The following CREB5 variants were observed in gnomAD, a reference collection of about 807,000 sequenced individuals.
The protein encoded by CREB5 is cAMP responsive element binding protein 5.
A neutral mutation model predicts 57.1 loss-of-function variants in CREB5; 19 were observed. The observed-to-expected ratio is 0.33, with a 90% CI of 0.23 to 0.49. The LOEUF is 0.49. Ranked by LOEUF, CREB5 falls within the 20% of genes least tolerant of loss-of-function variation. The pLI is 0.99. For synonymous variants in CREB5, 238 were observed against 238.3 expected (o/e 1.00, Z 0.01); for missense variants, 579 against 671.6 (o/e 0.86, Z 1.52).
chr7:28,584,156 T>A (rs1204503432), intron 5 of CREB5, among the ~76,000 whole-genome samples: 1 of 152,174 alleles, frequency 6.6e-6, no homozygotes, highest in Non-Finnish European at 1.5e-5. Flanking sequence ...TCCTTCTCAG[T>A]GCCCAGCCCC....
rs1795646734 is a variant in CREB5, at chr7:28,570,366, A to G, written c.293A>G (p.Asn98Ser). The G allele has an allele frequency of 6.2e-7, 1 of 1,612,368 alleles. No individual in the cohort carries two copies. Among genetic ancestry groups the G allele is most frequent in the African/African-American group, 1.3e-5 (1 of 74,906 alleles). Residue 98 changes from asparagine (N) to serine (S), a missense_variant and splice_region_variant, in exon 5 of 11, where the codon AAT becomes AGT. By Grantham distance (46) the Asn-to-Ser change is conservative. Coordinates refer to ENST00000357727, the MANE Select transcript of CREB5 (RefSeq NM_182898.4). ...KAQEEESSKRNISMHNAVGGA... is the reference protein window; with the variant it reads ...KAQEEESSKRSISMHNAVGGA... Reference sequence around the variant, plus strand: ...TTCCCCTGTGTCTTCTCTGGGCAGAATATCTCGATGCATAATGCAGTTGGT... The same window carrying G: ...TTCCCCTGTGTCTTCTCTGGGCAGAGTATCTCGATGCATAATGCAGTTGGT...
chr7:28,563,544 G>A lies in CREB5; in HGVS notation c.292-6821G>A, dbSNP rs115727410. ...CAAAATGAATGAATGAATTAACTGC[G>A]AGACAGGGTCTCACTCTGTCACCCA... On this transcript the variant is annotated intron_variant, in intron 4 of 10. Transcript: ENST00000357727. Among the ~76,000 whole-genome samples, 642 of 152,224 alleles carry A rather than the reference G, an allele frequency of 4.2e-3. 8 individuals carry two copies. Among genetic ancestry groups the A allele is most frequent in the African/African-American group, 0.015 (627 of 41,524 alleles).
At chr7:28,586,617 C>G (rs1365609024) in intron 5 of CREB5, among the ~76,000 whole-genome samples, 2 of 152,178 alleles carry the variant, frequency 1.3e-5, no homozygotes, top group African/African-American at 4.8e-5. Flanking sequence ...TAATCACATT[C>G]ACCAGCAAGC....
At chr7:28,372,279 G>A (rs187352438) in intron 1 of CREB5, among the ~76,000 whole-genome samples, 8 of 152,296 alleles carry the variant, frequency 5.3e-5, no homozygotes, top group Non-Finnish European at 1.0e-4. Flanking sequence ...GAGAACCAGG[G>A]ACTGGGAGTG....
chr7:28,356,759 C>T (rs1433797248), intron 1 of CREB5, among the ~76,000 whole-genome samples: 1 of 152,188 alleles, frequency 6.6e-6, no homozygotes, highest in Non-Finnish European at 1.5e-5. Flanking sequence ...GTTTCGGCCA[C>T]AGGATGAGAA....
chr7:28,698,936 C>G (rs1801708372), intron 5 of CREB5, among the ~76,000 whole-genome samples: 1 of 152,174 alleles, frequency 6.6e-6, no homozygotes, highest in Non-Finnish European at 1.5e-5. Context: ...TTTTTACTAG[C>G]TATGCCTTTT....
chr7:28,522,603 G>A (rs542158730), intron 4 of CREB5, among the ~76,000 whole-genome samples: 15 of 152,000 alleles, frequency 9.9e-5, no homozygotes, highest in South Asian at 2.1e-4. Flanking sequence ...TCACCATGTC[G>A]GCCAGGCTGG....
chr7:28,578,849 C>A (rs1441469811), intron 5 of CREB5, among the ~76,000 whole-genome samples: 20 of 152,142 alleles, frequency 1.3e-4, no homozygotes, highest in Non-Finnish European at 1.5e-5. Context: ...TATATCCTTT[C>A]TAATGAAGAT....
At chr7:28,398,793 C>A (rs1363995289) in intron 1 of CREB5, among the ~76,000 whole-genome samples, 2 of 152,028 alleles carry the variant, frequency 1.3e-5, no homozygotes, top group Non-Finnish European at 2.9e-5. Flanking sequence ...CTCACTACAG[C>A]CTTGGCCTCT....
At chr7:28,753,871 G>A (rs1419148247) in intron 7 of CREB5, among the ~76,000 whole-genome samples, 1 of 151,956 alleles carries the variant, frequency 6.6e-6, no homozygotes, top group Non-Finnish European at 1.5e-5. Flanking sequence ...GGACTATGAT[G>A]CAAGAAAGAA....
intron 8 of CREB5, among the ~76,000 whole-genome samples, chr7:28,808,208 C>G (rs1408340888): frequency 6.6e-6 from 1 of 152,218 alleles, no homozygotes; most frequent in Non-Finnish European, 1.5e-5. Context: ...GATCTCCTTT[C>G]ACCCTGGTGA....
intron 1 of CREB5, among the ~76,000 whole-genome samples, chr7:28,466,033 C>A (rs566142292): frequency 6.6e-6 from 1 of 152,032 alleles, no homozygotes; most frequent in Non-Finnish European, 1.5e-5. Context: ...AACTGAGAAG[C>A]CAGACTCAGG....
intron 1 of CREB5, among the ~76,000 whole-genome samples, chr7:28,395,972 G>A (rs1179079645): frequency 1.3e-5 from 2 of 152,160 alleles, no homozygotes; most frequent in Admixed American, 1.3e-4. Context: ...AGTCAGAAGT[G>A]TGATGCAGAC....
intron 2 of CREB5, chr7:28,491,329 G>A: frequency 1.2e-6 from 1 of 828,194 alleles, no homozygotes; most frequent in Non-Finnish European, 1.5e-6. Flanking sequence ...CTGGGGAGGA[G>A]TGGGGGTGCC....
chr7:28,626,539 C>T (rs1798002325), intron 5 of CREB5, among the ~76,000 whole-genome samples: 1 of 152,176 alleles, frequency 6.6e-6, no homozygotes, highest in African/African-American at 2.4e-5. Flanking sequence ...TTCTGGGATT[C>T]AAACCCAGGA....
intron 5 of CREB5, among the ~76,000 whole-genome samples, chr7:28,597,835 A>G (rs1796746024): frequency 6.6e-6 from 1 of 152,196 alleles, no homozygotes; most frequent in Non-Finnish European, 1.5e-5. Context: ...ACAGGAGTAG[A>G]GGAACATTTG....
chr7:28,647,134 G>T (rs551387955), intron 5 of CREB5, among the ~76,000 whole-genome samples: 1 of 151,552 alleles, frequency 6.6e-6, no homozygotes, highest in East Asian at 2.0e-4. Flanking sequence ...CACCAAAGAC[G>T]CAGAGATCAG....
At chr7:28,526,379 A>G (rs1793449571) in intron 4 of CREB5, among the ~76,000 whole-genome samples, 1 of 152,170 alleles carries the variant, frequency 6.6e-6, no homozygotes, top group African/African-American at 2.4e-5. Flanking sequence ...GAGCAATATA[A>G]TAGAAGTCCC....
intron 4 of CREB5, among the ~76,000 whole-genome samples, chr7:28,560,913 T>C (rs13245586): frequency 0.098 from 2,117 of 21,610 alleles, 255 homozygotes; most frequent in East Asian, 0.43. Flanking sequence ...CGCGTGCGTG[T>C]GCGTGTGTGC....
Sources: allele counts gnomAD v4.1 joint callset (sites outside exome capture counted in the v4.1 genomes callset), GRCh38; gene constraint gnomAD v4.1.1; transcripts MANE v1.5; gene names NCBI Gene and HGNC (gene_info 2026-07-23, HGNC 2026-07-21).